Variants in GNA11 observed in about 807,000 individuals in gnomAD.
The protein encoded by GNA11 is guanine nucleotide-binding protein subunit alpha-11.
A neutral mutation model predicts 38.2 loss-of-function variants in GNA11; 8 were observed. That is an observed-to-expected ratio of 0.21 (90% CI 0.12 to 0.38). The LOEUF is 0.38. Ranked by LOEUF, GNA11 falls within the 10% of genes least tolerant of loss-of-function variation. The probability of loss-of-function intolerance (pLI) is 1.00; values close to 1 mark genes in which losing one functional copy is unlikely to be tolerated. For missense variants in GNA11, 268 were observed against 516.3 expected (o/e 0.52, Z 4.66); for synonymous variants, 211 against 221.4 (o/e 0.95, Z 0.42).
intron 1 of GNA11, among the ~76,000 whole-genome samples, chr19:3,104,130 A>C (rs1913577960): frequency 1.3e-5 from 2 of 152,208 alleles, no homozygotes; most frequent in South Asian, 4.1e-4. Context: ...TTGAATCTTG[A>C]GCATCGGATG....
At chr19:3,114,900 C>T (rs1376930361) in intron 3 of GNA11, 44 bp from the exon 4 acceptor site, 3 of 1,562,466 alleles carry the variant, frequency 1.9e-6, no homozygotes, top group Non-Finnish European at 2.6e-6. Context: ...GTCCTGCCCC[C>T]CCACCCCCGG....
In GNA11 at chr19:3,110,053, TG is replaced by T; in HGVS notation, c.137-93del. The stretch of plus-strand genomic sequence containing the variant: ...CCTCACGTGCCTTGGTTTCCTGTGC[TG>T]GGTGCTGCAGCACGGCAGGGTCTGG... On this transcript the variant is annotated intron_variant, in intron 1 of 6. Coordinates refer to ENST00000078429, the MANE Select transcript of GNA11 (RefSeq NM_002067.5). The surrounding 1 kb of genome is among the most constrained non-coding windows in gnomAD (Gnocchi z 5.4). The T allele has an allele frequency of 2.0e-6, 2 of 977,846 alleles. No homozygotes were observed. The highest frequency in any genetic ancestry group is 3.1e-6 in the Non-Finnish European group (2 of 654,220). 60.6% of individuals were successfully genotyped at this position (977,846 alleles called of 1,614,324 possible). A position where few individuals can be genotyped will look rare whatever the true frequency, so the allele number is the denominator to read the frequency against.
Position 3,110,676 on chromosome 19 carries a change from C to T in GNA11, c.321+343C>T, listed in dbSNP as rs969401000. Among the ~76,000 whole-genome samples the T allele has an allele frequency of 6.6e-6, 1 of 152,232 alleles. No individual in the cohort carries two copies. Among genetic ancestry groups the T allele is most frequent in the Non-Finnish European group, 1.5e-5 (1 of 68,040 alleles). On this transcript the variant is annotated intron_variant, in intron 2 of 6. Transcript: ENST00000078429. This position sits in a 1 kb window ranked among gnomAD's most constrained non-coding sequence, Gnocchi z 5.4. ...CCCAGGTCGCCTTGGGAGTAAGCAG[C>T]GTGAGCTCCTGGTTCCGGCCCCTTC... is the stretch of plus-strand genomic sequence containing the variant.
Position 3,110,380 on chromosome 19 carries a change from G to T in GNA11, c.321+47G>T. 2.0e-5 allele frequency: 30 copies of T among 1,510,000 alleles called. No homozygotes were observed. Among genetic ancestry groups the T allele is most frequent in the Non-Finnish European group, 2.7e-5 (29 of 1,093,282 alleles). The allele number at this position is 1,510,000 out of a possible 1,614,324, so 93.5% of individuals were successfully genotyped here. A position where few individuals can be genotyped will look rare whatever the true frequency, so the allele number is the denominator to read the frequency against. On this transcript the variant is annotated intron_variant, in intron 2 of 6. Coordinates refer to ENST00000078429, the MANE Select transcript of GNA11 (RefSeq NM_002067.5). The surrounding 1 kb of genome is among the most constrained non-coding windows in gnomAD (Gnocchi z 5.4). ...GAGGGGAGCGCCTGGGCAGCTGTGG[G>T]CTTGGTGGTGAGCATGGTGGCCGCG...
chr19:3,112,221 G>A (rs1376030259), intron 2 of GNA11, among the ~76,000 whole-genome samples: 4 of 152,190 alleles, frequency 2.6e-5, no homozygotes, highest in African/African-American at 9.7e-5. Context: ...TTTGGGGTTT[G>A]TGTCTCTTTT....
Position 3,122,513 on chromosome 19 carries a change from G to A in GNA11, c.*1334G>A, listed in dbSNP as rs1914107777. ...CTCCCGGGGCCCCTTGAGGCACTGA[G>A]GCACCGAGACTGGTTCTCCCCGAGA... On this transcript the variant is annotated 3_prime_UTR_variant, in exon 7 of 7. Transcript: ENST00000078429. The surrounding 1 kb of genome is among the most constrained non-coding windows in gnomAD (Gnocchi z 7.7). 1 of 232,332 alleles carries A rather than the reference G, an allele frequency of 4.3e-6. No individual in the cohort carries two copies. The highest frequency in any genetic ancestry group is 8.5e-6 in the Non-Finnish European group (1 of 117,514). 14.4% of individuals were successfully genotyped at this position (232,332 alleles called of 1,614,324 possible).
chr19:3,112,783 G>A (rs1913806841), intron 2 of GNA11, among the ~76,000 whole-genome samples: 1 of 152,264 alleles, frequency 6.6e-6, no homozygotes, highest in Admixed American at 6.5e-5. Flanking sequence ...TGTTTGATAA[G>A]CATTTTTCGG....
In GNA11 at chr19:3,123,078, G is replaced by T; in HGVS notation, c.*1899G>T. 1 of 233,388 alleles carries T rather than the reference G, an allele frequency of 4.3e-6. No individual in the cohort carries two copies. The highest frequency in any genetic ancestry group is 2.2e-5 in the African/African-American group (1 of 45,458). 14.5% of individuals were successfully genotyped at this position (233,388 alleles called of 1,614,324 possible). The stretch of plus-strand genomic sequence containing the variant: ...GCTGGGGCCCGGCGGTGCCCTGGGG[G>T]AGCAGATGGGGCCACCCCTGGCAGG... On this transcript the variant is annotated 3_prime_UTR_variant, in exon 7 of 7. Coordinates refer to ENST00000078429, the MANE Select transcript of GNA11 (RefSeq NM_002067.5).
intron 1 of GNA11, among the ~76,000 whole-genome samples, chr19:3,105,221 C>G (rs1336538010): frequency 4.6e-5 from 7 of 151,258 alleles, no homozygotes; most frequent in Non-Finnish European, 1.0e-4. Context: ...ATGGCCGGAC[C>G]CCTGGCTGGA....
In GNA11 at chr19:3,103,519, C is replaced by CGTTTTTTT. The variant is rs1370578226; in HGVS notation, c.137-6630_137-6629insGTTTTTTT. 8.7e-5 allele frequency among the ~76,000 whole-genome samples: 4 copies of CGTTTTTTT among 45,814 alleles called. 1 individual carries two copies. Among genetic ancestry groups the CGTTTTTTT allele is most frequent in the South Asian group, 1.0e-3 (1 of 968 alleles). 30.1% of individuals were successfully genotyped at this position (45,814 alleles called of 152,430 possible). Reference sequence around the variant, plus strand: ...TGAGCCACTGCGCCCGGCCTTGAATCTTTTTTTTTTTTTTTTTTTTTTTTT... The same window carrying CGTTTTTTT: ...TGAGCCACTGCGCCCGGCCTTGAATCGTTTTTTTTTTTTTTTTTTTTTTTTTTTTTTTT... On this transcript the variant is annotated intron_variant, in intron 1 of 6. Transcript: ENST00000078429.
At chr19:3,098,317 G>A (rs891150689) in intron 1 of GNA11, among the ~76,000 whole-genome samples, 4 of 152,232 alleles carry the variant, frequency 2.6e-5, no homozygotes, top group African/African-American at 4.8e-5. Context: ...CCTGGGGTCC[G>A]CCCTGTGGCC....
Position 3,119,198 on chromosome 19 carries a change from C to G in GNA11, c.736-8C>G. The G allele has an allele frequency of 6.2e-7, 1 of 1,612,316 alleles. No individual in the cohort carries two copies. The highest frequency in any genetic ancestry group is 1.1e-5 in the South Asian group (1 of 90,866). On this transcript the variant is annotated splice_region_variant and splice_polypyrimidine_tract_variant and intron_variant, in intron 5 of 6. Coordinates refer to ENST00000078429, the MANE Select transcript of GNA11 (RefSeq NM_002067.5). This position sits in a 1 kb window ranked among gnomAD's most constrained non-coding sequence, Gnocchi z 4.6. ...CCCTCTGATTCCCTCTGCCTTCGCT[C>G]CCGCCAGAACCGGATGGAGGAGAGC...
chr19:3,118,752 G>A (rs188572241), intron 4 of GNA11, 172 bp from the exon 5 acceptor site: 28 of 621,270 alleles, frequency 4.5e-5, no homozygotes, highest in African/African-American at 2.8e-4. Flanking sequence ...CCCTGGAGGC[G>A]GTGCGGCCGC....
chr19:3,119,652 G>A lies in GNA11; in HGVS notation c.889+293G>A, dbSNP rs1164856114. Among the ~76,000 whole-genome samples the A allele has an allele frequency of 6.6e-6, 1 of 151,588 alleles. No homozygotes were observed. The highest frequency in any genetic ancestry group is 1.5e-5 in the Non-Finnish European group (1 of 67,810). ...GAGGGGTCTCGGGCAGGGGGATCTC[G>A]GGTGGGAGGAGTCTTGTACAAGGAG... On this transcript the variant is annotated intron_variant, in intron 6 of 6. Coordinates refer to ENST00000078429, the MANE Select transcript of GNA11 (RefSeq NM_002067.5). This position sits in a 1 kb window ranked among gnomAD's most constrained non-coding sequence, Gnocchi z 4.6.
intron 1 of GNA11, among the ~76,000 whole-genome samples, chr19:3,099,388 A>G (rs931113899): frequency 6.6e-6 from 1 of 152,160 alleles, no homozygotes; most frequent in African/African-American, 2.4e-5. Context: ...AGGGGCGGCC[A>G]GGGGCTCTGG....
Position 3,107,667 on chromosome 19 carries a change from C to T in GNA11, c.137-2482C>T, listed in dbSNP as rs552627454. On this transcript the variant is annotated intron_variant, in intron 1 of 6. Transcript: ENST00000078429. Reference sequence around the variant, plus strand: ...AGTCTCATCTGGGGGCAGTCTTGACCCATGGGACACTGGCACTGTCTGGGG... The same window carrying T: ...AGTCTCATCTGGGGGCAGTCTTGACTCATGGGACACTGGCACTGTCTGGGG... Among the ~76,000 whole-genome samples, 73 of 152,240 alleles carry T rather than the reference C, an allele frequency of 4.8e-4. 2 individuals carry two copies. The highest frequency in any genetic ancestry group is 2.9e-3 in the South Asian group (14 of 4,820).
intron 4 of GNA11, among the ~76,000 whole-genome samples, chr19:3,115,799 G>A (rs1200743292): frequency 4.4e-5 from 6 of 136,046 alleles, no homozygotes; most frequent in African/African-American, 1.8e-4. Context: ...GGGGGGTCAC[G>A]GGGACCGAGG....
intron 4 of GNA11, chr19:3,117,678 G>T (rs760463143): frequency 1.3e-5 from 2 of 152,524 alleles, no homozygotes; most frequent in African/African-American, 4.8e-5. Context: ...CACCGCGCCC[G>T]GCCCGGCTGT....
At chr19:3,118,512 G>A (rs1913981604) in intron 4 of GNA11, 2 of 191,184 alleles carry the variant, frequency 1.0e-5, no homozygotes, top group Admixed American at 1.1e-4. Context: ...ACTCCTGCGA[G>A]TGACGCTTGG....
Sources: allele counts gnomAD v4.1 joint callset (sites outside exome capture counted in the v4.1 genomes callset), GRCh38; gene constraint gnomAD v4.1.1; non-coding constraint Gnocchi (gnomAD v3.1); transcripts MANE v1.5; gene names NCBI Gene and HGNC (gene_info 2026-07-23, HGNC 2026-07-21).